Variants in SH3TC1 observed in about 807,000 individuals in gnomAD.
SH3TC1 encodes SH3 domain and tetratricopeptide repeats 1, also known as SH3 domain and tetratricopeptide repeat-containing protein 1.
A neutral mutation model predicts 117.3 loss-of-function variants in SH3TC1; 135 were observed. The ratio of observed to expected loss-of-function variants is 1.15; its 90% CI spans 1.00 to 1.33. The LOEUF (loss-of-function observed/expected upper bound fraction) is 1.33, where lower values mean the gene tolerates loss of function less well. SH3TC1 is among the 40% of genes most tolerant of loss of function. SH3TC1 has a pLI of 0.00. For missense variants in SH3TC1, 2,092 were observed against 1,794.3 expected (o/e 1.17, Z -3.00); for synonymous variants, 898 against 816.9 (o/e 1.10, Z -1.69).
intron 9 of SH3TC1, among the ~76,000 whole-genome samples, chr4:8,221,945 G>GT (rs1295148799): frequency 6.6e-6 from 1 of 151,742 alleles, no homozygotes; most frequent in Non-Finnish European, 1.5e-5. Context: ...GCTACTCTAA[G>GT]TTTTTTTAAA....
intron 1 of SH3TC1, among the ~76,000 whole-genome samples, chr4:8,200,806 C>T (rs976852874): frequency 1.3e-5 from 2 of 152,228 alleles, no homozygotes; most frequent in African/African-American, 4.8e-5. Flanking sequence ...GCTCAGGGCG[C>T]TCCTTGGCTG....
Position 8,205,136 on chromosome 4 carries a change from C to T in SH3TC1, c.-28-31C>T. 1 of 1,441,206 alleles carries T rather than the reference C, an allele frequency of 6.9e-7. No individual in the cohort carries two copies. The highest frequency in any genetic ancestry group is 2.5e-5 in the East Asian group (1 of 39,610). 89.3% of individuals were successfully genotyped at this position (1,441,206 alleles called of 1,614,324 possible). A position where few individuals can be genotyped will look rare whatever the true frequency, so the allele number is the denominator to read the frequency against. ...CTCCGTGCTGGTTCTGGAGGGGCCA[C>T]CTCTCCTGACCACACCCCCTCTGTC... is the stretch of plus-strand genomic sequence containing the variant. On this transcript the variant is annotated intron_variant, in intron 1 of 17. Transcript: ENST00000245105. This position sits in a 1 kb window ranked among gnomAD's most constrained non-coding sequence, Gnocchi z 5.4.
In SH3TC1 at chr4:8,232,004, C is replaced by G; in HGVS notation, c.2979C>G (p.Cys993Trp). 6.2e-7 allele frequency: 1 copy of G among 1,612,442 alleles called. No homozygotes were observed. Among genetic ancestry groups the G allele is most frequent in the African/African-American group, 1.3e-5 (1 of 75,056 alleles). The change falls in exon 13 of 18, where the codon TGC (cysteine) becomes TGG (tryptophan). Residue 993 changes from cysteine to tryptophan, a missense_variant. By Grantham distance (215) the Cys-to-Trp change is radical (BLOSUM62 -2). Transcript: ENST00000245105. ...AGCTGCGGGCCGTCCAGCGGCTGTG[C>G]CACTTCTACAGCGCCGTCATGCCCA... is the stretch of plus-strand genomic sequence containing the variant. Reference protein sequence around the residue: ...ESQLRAVQRLCHFYSAVMPSE... With the variant: ...ESQLRAVQRLWHFYSAVMPSE...
chr4:8,223,033 C>A, intron 10 of SH3TC1, 63 bp downstream of exon 10: 1 of 1,558,728 alleles, frequency 6.4e-7, no homozygotes, highest in Admixed American at 1.8e-5. Context: ...GCAGCCCCTG[C>A]TGCCCTCGTC....
Position 8,226,995 on chromosome 4 carries a change from G to A in SH3TC1, c.1301G>A (p.Cys434Tyr), listed in dbSNP as rs774017508. ...QPQEKEIPPP[C>Y]LSLEPQETLQ... is the part of the protein sequence containing the mutation. ...TGACTTGCAGAAATACCTCCACCTT[G>A]CCTGAGCCTGGAGCCACAGGAGACC... Residue 434 changes from cysteine to tyrosine, a missense_variant, in exon 12 of 18, where the codon TGC becomes TAC. Coordinates refer to ENST00000245105, the MANE Select transcript of SH3TC1 (RefSeq NM_018986.5). 1 of 1,548,292 alleles carries A rather than the reference G, an allele frequency of 6.5e-7. No homozygotes were observed. The highest frequency in any genetic ancestry group is 2.0e-5 in the Admixed American group (1 of 49,330).
chr4:8,215,700 C>A (rs1719195071), intron 5 of SH3TC1, among the ~76,000 whole-genome samples: 2 of 152,330 alleles, frequency 1.3e-5, no homozygotes, highest in South Asian at 4.1e-4. Flanking sequence ...CAAGGCTTCA[C>A]CTGATAGAAA....
rs915767934 is a variant in SH3TC1 at position 8,227,649 on chromosome 4, T to C, written c.1955T>C (p.Leu652Pro). The C allele has an allele frequency of 5.2e-6, 8 of 1,526,732 alleles. No homozygotes were observed. Among genetic ancestry groups the C allele is most frequent in the Non-Finnish European group, 7.0e-6 (8 of 1,139,720 alleles). 94.6% of individuals were successfully genotyped at this position (1,526,732 alleles called of 1,614,324 possible). The stretch of plus-strand genomic sequence containing the variant: ...GAGGGGGAGCTCCTGCAGCTGGCGC[T>C]GCGGCGGGCGGTGGGTGGCCAGAGC... ...EAEGELLQLA[L>P]RRAVGGQSLQ... Residue 652 changes from leucine to proline, a missense_variant, in exon 12 of 18, where the codon CTG becomes CCG. Leu to Pro is a moderately conservative substitution (Grantham distance 98, BLOSUM62 -3). Coordinates refer to ENST00000245105, the MANE Select transcript of SH3TC1 (RefSeq NM_018986.5).
chr4:8,195,066 A>G (rs927949290), upstream of SH3TC1, among the ~76,000 whole-genome samples: 5 of 152,168 alleles, frequency 3.3e-5, no homozygotes, highest in Non-Finnish European at 7.3e-5. Flanking sequence ...AGCGGGCATC[A>G]GGAGACACTC....
chr4:8,237,872 C>A (rs1244253340), intron 17 of SH3TC1, among the ~76,000 whole-genome samples: 1 of 152,156 alleles, frequency 6.6e-6, no homozygotes, highest in Non-Finnish European at 1.5e-5. Flanking sequence ...CTCAAGAACT[C>A]AGCCTCAGCC....
In SH3TC1 at chr4:8,183,434, G is replaced by A. The variant is rs562602250; in HGVS notation, c.-57+1224G>A. Among the ~76,000 whole-genome samples the A allele has an allele frequency of 2.0e-5, 3 of 152,318 alleles. No individual in the cohort carries two copies. The highest frequency in any genetic ancestry group is 6.5e-5 in the Admixed American group (1 of 15,310). ...ACTCACTCCCTGTACAGTAGAGGGA[G>A]GCGTGGCCCAGGGAGGCTCCCGGGC... On this transcript the variant is annotated intron_variant, in intron 1 of 16. Transcript: ENST00000508641. This position sits in a 1 kb window ranked among gnomAD's most constrained non-coding sequence, Gnocchi z 5.4.
chr4:8,214,453 A>G, intron 4 of SH3TC1, 22 bp from the exon 5 acceptor site: 2 of 1,611,108 alleles, frequency 1.2e-6, no homozygotes, highest in Non-Finnish European at 1.7e-6. Context: ...GACCTCTCGA[A>G]TTCCTATTTC....
chr4:8,203,498 G>T (rs554037399), intron 1 of SH3TC1, among the ~76,000 whole-genome samples: 1 of 152,124 alleles, frequency 6.6e-6, no homozygotes, highest in Non-Finnish European at 1.5e-5. Flanking sequence ...AGAGCCTCGG[G>T]GGAGGGCTGG....
At position 8,236,419 on chromosome 4, in the gene SH3TC1, A is replaced by G. The variant is rs1279741535; in HGVS notation, c.3547A>G (p.Ile1183Val). 1 of 1,490,228 alleles carries G rather than the reference A, an allele frequency of 6.7e-7. No individual in the cohort carries two copies. Among genetic ancestry groups the G allele is most frequent in the Non-Finnish European group, 9.0e-7 (1 of 1,113,318 alleles). 92.3% of individuals were successfully genotyped at this position (1,490,228 alleles called of 1,614,324 possible). The stretch of plus-strand genomic sequence containing the variant: ...TGCCCACATGGCCCTAGCACTCAGC[A>G]TCACCCTGGGTAAGCCCCCTGAGCC... ...EFAHMALALS[I>V]TLGDRLNERV... The change falls in exon 16 of 18, where the codon ATC becomes GTC. Residue 1183 changes from isoleucine (I) to valine (V), a missense_variant. Ile to Val is a conservative substitution (Grantham distance 29). Transcript: ENST00000245105.
intron 14 of SH3TC1, among the ~76,000 whole-genome samples, chr4:8,233,728 C>T (rs1304270109): frequency 1.3e-5 from 2 of 148,308 alleles, no homozygotes; most frequent in Non-Finnish European, 3.0e-5. Context: ...ATTATCCATC[C>T]ATTCACCTGT....
rs750977854 is a variant in SH3TC1 at position 8,214,568 on chromosome 4, T to C, written c.469T>C (p.Tyr157His). The C allele has an allele frequency of 1.2e-6, 2 of 1,613,796 alleles. No homozygotes were observed. Among genetic ancestry groups the C allele is most frequent in the South Asian group, 2.2e-5 (2 of 91,072 alleles). The change falls in exon 5 of 18, where the codon TAC becomes CAC. Residue 157 changes from tyrosine (Y) to histidine (H), a missense_variant. Transcript: ENST00000245105. ...TGAAGAAATCTGGAAGTTTTCCACC[T>C]ACCATGCTCTCGGTAAAGAGGTGAC... is the stretch of plus-strand genomic sequence containing the variant. ...TFEEIWKFST[Y>H]HALGFTHHCL...
intron 13 of SH3TC1, chr4:8,233,109 G>C: frequency 7.5e-7 from 1 of 1,334,116 alleles, no homozygotes; most frequent in South Asian, 1.7e-5. Flanking sequence ...ACGCGGGGGA[G>C]ATGGACTAGC....
intron 2 of SH3TC1, among the ~76,000 whole-genome samples, chr4:8,207,992 C>A (rs187637280): frequency 6.6e-6 from 1 of 152,192 alleles, no homozygotes; most frequent in Non-Finnish European, 1.5e-5. Context: ...AGAGGACTTG[C>A]GTACAGGGTG....
chr4:8,188,723 A>G (rs1717312526), intron 1 of SH3TC1, among the ~76,000 whole-genome samples: 1 of 152,218 alleles, frequency 6.6e-6, no homozygotes, highest in African/African-American at 2.4e-5. Flanking sequence ...GCTGGACACC[A>G]AAGTGGTGGG....
chr4:8,238,840 G>A (rs1697273597), intron 17 of SH3TC1, among the ~76,000 whole-genome samples: 1 of 152,200 alleles, frequency 6.6e-6, no homozygotes, highest in African/African-American at 2.4e-5. Flanking sequence ...AGTAGTCCCT[G>A]AGAGGCCAAA....
Sources: allele counts gnomAD v4.1 joint callset (sites outside exome capture counted in the v4.1 genomes callset), GRCh38; gene constraint gnomAD v4.1.1; non-coding constraint Gnocchi (gnomAD v3.1); transcripts MANE v1.5; gene names NCBI Gene and HGNC (gene_info 2026-07-23, HGNC 2026-07-21).